KCNJ3: variants seen among roughly 807,000 people sequenced by gnomAD.
KCNJ3 encodes the protein G protein-activated inward rectifier potassium channel 1.
In KCNJ3, 4 loss-of-function variants were observed where a neutral mutation model predicts 39.2. That is an observed-to-expected ratio of 0.10 (90% CI 0.05 to 0.23). The LOEUF (loss-of-function observed/expected upper bound fraction) is 0.23. Among genes scored for constraint, KCNJ3 ranks in the 10% least tolerant of loss-of-function variants. KCNJ3 has a pLI of 1.00. For missense variants in KCNJ3, 276 were observed against 634.9 expected (o/e 0.43, Z 6.08); for synonymous variants, 230 against 237.4 (o/e 0.97, Z 0.29).
chr2:154,766,277 A>C (rs1023414864), intron 2 of KCNJ3, among the ~76,000 whole-genome samples: 1 of 152,142 alleles, frequency 6.6e-6, no homozygotes, highest in African/African-American at 2.4e-5. Context: ...TTTTATAGAC[A>C]CTATTTTGCA....
intron 2 of KCNJ3, among the ~76,000 whole-genome samples, chr2:154,838,432 G>C (rs1254345154): frequency 1.3e-5 from 2 of 152,166 alleles, no homozygotes; most frequent in Admixed American, 1.3e-4. Flanking sequence ...TTACCTCCCT[G>C]TACCTCAGTA....
intron 2 of KCNJ3, among the ~76,000 whole-genome samples, chr2:154,732,190 G>T (rs1034314582): frequency 6.6e-6 from 1 of 152,072 alleles, no homozygotes; most frequent in African/African-American, 2.4e-5. Context: ...AATGCAATTT[G>T]TATAGAGTTT....
At chr2:154,835,200 A>G (rs1574480074) in intron 2 of KCNJ3, among the ~76,000 whole-genome samples, 2 of 151,902 alleles carry the variant, frequency 1.3e-5, no homozygotes, top group South Asian at 4.1e-4. Context: ...TACTTTTGTC[A>G]ATATGTATAA....
At chr2:154,722,424 G>A (rs1353596344) in intron 2 of KCNJ3, among the ~76,000 whole-genome samples, 1 of 152,238 alleles carries the variant, frequency 6.6e-6, no homozygotes, top group African/African-American at 2.4e-5. Flanking sequence ...GGCAAAGAAG[G>A]GGGAAAAGAA....
At chr2:154,803,414 A>T (rs1018070443) in intron 2 of KCNJ3, among the ~76,000 whole-genome samples, 1 of 151,884 alleles carries the variant, frequency 6.6e-6, no homozygotes, top group Non-Finnish European at 1.5e-5. Flanking sequence ...TTATTTTTAA[A>T]TTAAAATAGT....
chr2:154,828,747 A>C (rs188336738), intron 2 of KCNJ3, among the ~76,000 whole-genome samples: 10 of 152,252 alleles, frequency 6.6e-5, no homozygotes, highest in African/African-American at 2.2e-4. Context: ...TCTTCTCTCC[A>C]TGCCTTTGGG....
intron 2 of KCNJ3, among the ~76,000 whole-genome samples, chr2:154,731,754 T>C (rs1335538601): frequency 6.6e-6 from 1 of 152,010 alleles, no homozygotes; most frequent in Non-Finnish European, 1.5e-5. Context: ...CAGTACTTTT[T>C]CAAATAAAAC....
At chr2:154,827,363 T>C (rs768607804) in intron 2 of KCNJ3, among the ~76,000 whole-genome samples, 11 of 152,184 alleles carry the variant, frequency 7.2e-5, no homozygotes, top group Non-Finnish European at 1.6e-4. Flanking sequence ...CTCATTCCTT[T>C]TCACTTGTAT....
chr2:154,708,271 C>T (rs894971743), intron 1 of KCNJ3, among the ~76,000 whole-genome samples: 2 of 152,058 alleles, frequency 1.3e-5, no homozygotes, highest in African/African-American at 2.4e-5. Flanking sequence ...GCAACAATTG[C>T]TGCCATAATG....
chr2:154,716,276 A>ATTTTTTTTTTT (rs535989708), intron 2 of KCNJ3, among the ~76,000 whole-genome samples: 283 of 115,410 alleles, frequency 2.5e-3, no homozygotes, highest in African/African-American at 3.4e-3. Context: ...CGGCCGGCTA[A>ATTTTTTTTTTT]TTTTTTTTTT....
At chr2:154,783,268 A>T (rs1335340990) in intron 2 of KCNJ3, among the ~76,000 whole-genome samples, 1 of 152,252 alleles carries the variant, frequency 6.6e-6, no homozygotes, top group Non-Finnish European at 1.5e-5. Context: ...AATTGGAATA[A>T]TCAAGGCTGT....
intron 2 of KCNJ3, among the ~76,000 whole-genome samples, chr2:154,735,075 G>GTA (rs1553455654): frequency 6.6e-6 from 1 of 150,904 alleles, no homozygotes; most frequent in Non-Finnish European, 1.5e-5. Context: ...AGGCCTGTGT[G>GTA]TGTGTGTGTG....
intron 2 of KCNJ3, among the ~76,000 whole-genome samples, chr2:154,830,320 C>T (rs1487053512): frequency 6.6e-6 from 1 of 152,094 alleles, no homozygotes; most frequent in Non-Finnish European, 1.5e-5. Context: ...GTTTCTTTGC[C>T]TGTTTTGTTC....
intron 2 of KCNJ3, among the ~76,000 whole-genome samples, chr2:154,793,989 TTA>T (rs1483918924): frequency 6.6e-6 from 1 of 151,956 alleles, no homozygotes; most frequent in Non-Finnish European, 1.5e-5. Flanking sequence ...TCAGGGACTG[TTA>T]TGTGTTCACT....
chr2:154,799,776 G>A (rs893234023), intron 2 of KCNJ3, among the ~76,000 whole-genome samples: 1 of 151,984 alleles, frequency 6.6e-6, no homozygotes, highest in Non-Finnish European at 1.5e-5. Context: ...TTAATAAATC[G>A]AACACTTGTT....
chr2:154,776,349 C>T (rs1406034689), intron 2 of KCNJ3, among the ~76,000 whole-genome samples: 1 of 152,010 alleles, frequency 6.6e-6, no homozygotes, highest in East Asian at 1.9e-4. Flanking sequence ...AGTTCCCTTT[C>T]CCACCCCCAA....
chr2:154,823,406 CTTT>C (rs55722860), intron 2 of KCNJ3, among the ~76,000 whole-genome samples: 23 of 145,470 alleles, frequency 1.6e-4, no homozygotes, highest in Non-Finnish European at 1.4e-4. Context: ...TTTCCACATT[CTTT>C]TTTTTTTTTT....
chr2:154,771,589 A>G (rs1041006163), intron 2 of KCNJ3, among the ~76,000 whole-genome samples: 4 of 152,266 alleles, frequency 2.6e-5, no homozygotes, highest in African/African-American at 9.6e-5. Context: ...ACGGGACTAG[A>G]GAGGTTGTGT....
At chr2:154,709,867 A>T in intron 2 of KCNJ3, 48 bp downstream of exon 2, 1 of 1,597,592 alleles carries the variant, frequency 6.3e-7, no homozygotes, top group Non-Finnish European at 8.5e-7. Flanking sequence ...CCATAATGAC[A>T]TTATATGATA....
Sources: gnomAD v4.1 joint callset for allele counts (sites outside exome capture counted in the v4.1 genomes callset) on GRCh38, gnomAD v4.1.1 for gene constraint, MANE v1.5 for transcripts, NCBI Gene and HGNC (gene_info 2026-07-23, HGNC 2026-07-21) for gene names.